Variants in ATRN observed in about 807,000 individuals in gnomAD.
ATRN encodes attractin-2.
A neutral mutation model predicts 178.7 loss-of-function variants in ATRN; 54 were observed. The observed-to-expected ratio is 0.30, with a 90% confidence interval of 0.24 to 0.38. The LOEUF is 0.38. Ranked by LOEUF, ATRN falls within the 10% of genes least tolerant of loss-of-function variation. ATRN has a pLI of 1.00. For synonymous variants in ATRN, 636 were observed against 663.0 expected (o/e 0.96, Z 0.63); for missense variants, 1,443 against 1,815.1 (o/e 0.79, Z 3.73).
intron 6 of ATRN, among the ~76,000 whole-genome samples, chr20:3,555,151 G>A (rs2085856034): frequency 6.6e-6 from 1 of 151,886 alleles, no homozygotes; most frequent in Non-Finnish European, 1.5e-5. Flanking sequence ...ACAGGCGCCC[G>A]CCACCTCGCC....
intron 3 of ATRN, among the ~76,000 whole-genome samples, chr20:3,541,968 C>T (rs906411473): frequency 3.9e-5 from 6 of 152,286 alleles, no homozygotes; most frequent in Admixed American, 6.5e-5. Flanking sequence ...GGAGATCAGG[C>T]GACTGTTGTG....
chr20:3,533,114 T>C (rs1266958258), intron 1 of ATRN, among the ~76,000 whole-genome samples: 1 of 152,178 alleles, frequency 6.6e-6, no homozygotes, highest in Non-Finnish European at 1.5e-5. Flanking sequence ...GCATGACCTG[T>C]AGCAAGGCAG....
At chr20:3,548,141 G>A (rs2085735159) in intron 5 of ATRN, among the ~76,000 whole-genome samples, 1 of 152,182 alleles carries the variant, frequency 6.6e-6, no homozygotes, top group African/African-American at 2.4e-5. Context: ...CAAGAATGGA[G>A]TCTGTTTCTT....
intron 25 of ATRN, 117 bp downstream of exon 25, chr20:3,624,689 A>G (rs2255786): frequency 0.4 from 342,785 of 860,974 alleles, 71,181 homozygotes; most frequent in African/African-American, 0.63. Flanking sequence ...CACAGATTAA[A>G]TTTACTTCAT....
intron 25 of ATRN, among the ~76,000 whole-genome samples, chr20:3,628,514 G>A (rs751929324): frequency 1.3e-5 from 2 of 152,232 alleles, no homozygotes; most frequent in African/African-American, 2.4e-5. Flanking sequence ...ATGAAATGTC[G>A]TGCCATCCTG....
chr20:3,471,469 C>T lies in ATRN; in HGVS notation c.362C>T (p.Pro121Leu). 7.1e-7 allele frequency: 1 copy of T among 1,414,858 alleles called. No individual in the cohort carries two copies. The highest frequency in any genetic ancestry group is 9.1e-7 in the Non-Finnish European group (1 of 1,093,118). 87.6% of individuals were successfully genotyped at this position (1,414,858 alleles called of 1,614,324 possible). A position where few individuals can be genotyped will look rare whatever the true frequency, so the allele number is the denominator to read the frequency against. Reference sequence around the variant, plus strand: ...CCTGGCACCGGCCAGTGCGTCTGCCCCGCCGGCTGGGTGGGCGAGCAATGC... The same window carrying T: ...CCTGGCACCGGCCAGTGCGTCTGCCTCGCCGGCTGGGTGGGCGAGCAATGC... Reference protein sequence around the residue: ...CNPGTGQCVCPAGWVGEQCQH... With the variant: ...CNPGTGQCVCLAGWVGEQCQH... The change falls in exon 1 of 29, where the codon CCC (proline) becomes CTC (leucine). Residue 121 changes from proline (P) to leucine (L), a missense_variant. Pro to Leu is a moderately conservative substitution (Grantham distance 98, BLOSUM62 -3). Transcript: ENST00000262919.
At chr20:3,628,957 A>G (rs1317691619) in intron 25 of ATRN, 2 of 984,664 alleles carry the variant, frequency 2.0e-6, no homozygotes, top group Admixed American at 1.2e-4. Context: ...TGCCTTCCCC[A>G]TCTGCAGCAC....
At chr20:3,567,932 CAACAAATT>C in intron 11 of ATRN, among the ~76,000 whole-genome samples, 1 of 152,250 alleles carries the variant, frequency 6.6e-6, no homozygotes, top group South Asian at 2.1e-4. Flanking sequence ...TTGGTTTAAG[CAACAAATT>C]AACTAGTTGA....
rs1028569653 is a variant in ATRN at position 3,600,437 on chromosome 20, A to G, written c.3565-509A>G. Among the ~76,000 whole-genome samples, 6 of 152,214 alleles carry G rather than the reference A, an allele frequency of 3.9e-5. No individual in the cohort carries two copies. The East Asian group carries it at 7.7e-4, about 19-fold the overall frequency. On this transcript the variant is annotated intron_variant, in intron 22 of 28. Transcript: ENST00000262919. ...TTTAAATTAAGTACATTTCAGCTCT[A>G]TATGCCTTTTTTAAAGGCTGTTTCC...
chr20:3,495,997 C>T (rs1202089721), intron 1 of ATRN, among the ~76,000 whole-genome samples: 1 of 151,988 alleles, frequency 6.6e-6, no homozygotes, highest in African/African-American at 2.4e-5. Context: ...TTGTGGATTA[C>T]ATTTAGAACC....
intron 3 of ATRN, among the ~76,000 whole-genome samples, chr20:3,544,590 CAATT>C (rs764053826): frequency 4.6e-5 from 7 of 152,048 alleles, no homozygotes; most frequent in South Asian, 2.1e-4. Context: ...ATAAGAAAAA[CAATT>C]AACCTCAGGA....
At chr20:3,544,096 C>G (rs2085663288) in intron 3 of ATRN, among the ~76,000 whole-genome samples, 1 of 152,176 alleles carries the variant, frequency 6.6e-6, no homozygotes, top group Non-Finnish European at 1.5e-5. Context: ...CCTTCCCCTC[C>G]TCATTTTCAT....
intron 21 of ATRN, 133 bp from the exon 22 acceptor site, chr20:3,597,773 G>C (rs2086551630): frequency 1.8e-6 from 1 of 559,470 alleles, no homozygotes; most frequent in South Asian, 2.6e-5. Context: ...TTTTCTTTGA[G>C]GAACCTGGGT....
Position 3,646,796 on chromosome 20 carries a change from C to T in ATRN, c.4239C>T (p.Ala1413=), listed in dbSNP as rs376639850. 6.6e-5 allele frequency: 107 copies of T among 1,611,718 alleles called. No individual in the cohort carries two copies. Among genetic ancestry groups the T allele is most frequent in the South Asian group, 5.9e-4 (53 of 90,342 alleles). Reference sequence around the variant, plus strand: ...TAGTGTACAAGGAGAAGTCAGGAGCCGTGAGAAACCGGAAGCAGCAGCCCC... The same window carrying T: ...TAGTGTACAAGGAGAAGTCAGGAGCTGTGAGAAACCGGAAGCAGCAGCCCC... ...MPIVYKEKSG[A]VRNRKQQPPA... The change falls in exon 29 of 29, where the codon GCC becomes GCT. Residue 1413 remains alanine (A), a synonymous_variant. Transcript: ENST00000262919.
At chr20:3,615,927 G>GGA (rs2086841429) in intron 24 of ATRN, 1 of 409,540 alleles carries the variant, frequency 2.4e-6, no homozygotes, top group Non-Finnish European at 5.0e-6. Flanking sequence ...TAGCATTAGG[G>GGA]GATATACCTA....
At chr20:3,492,865 GCGTGCGCACGCACA>G (rs1184973191) in intron 1 of ATRN, among the ~76,000 whole-genome samples, 10 of 121,328 alleles carry the variant, frequency 8.2e-5, no homozygotes, top group African/African-American at 3.7e-4. Context: ...GCGCGCGCGC[GCGTGCGCACGCACA>G]CACACACACA....
chr20:3,542,477 T>G (rs2085636497), intron 3 of ATRN, among the ~76,000 whole-genome samples: 1 of 151,992 alleles, frequency 6.6e-6, no homozygotes, highest in Admixed American at 6.6e-5. Context: ...TTTAGAGTTT[T>G]TTTTTTTTTT....
chr20:3,598,095 C>T (rs980259682), intron 22 of ATRN, 95 bp downstream of exon 22: 2 of 782,778 alleles, frequency 2.6e-6, no homozygotes, highest in African/African-American at 3.4e-5. Context: ...ACAGTGCTCT[C>T]CAGACTGGAG....
intron 1 of ATRN, among the ~76,000 whole-genome samples, chr20:3,508,838 A>G (rs1568695640): frequency 6.6e-6 from 1 of 152,214 alleles, no homozygotes; most frequent in Non-Finnish European, 1.5e-5. Flanking sequence ...GGTGGATGGA[A>G]GAAGTGAAGC....
Sources: allele counts gnomAD v4.1 joint callset (sites outside exome capture counted in the v4.1 genomes callset), GRCh38; gene constraint gnomAD v4.1.1; transcripts MANE v1.5; gene names NCBI Gene and HGNC (gene_info 2026-07-23, HGNC 2026-07-21).